The following ATL2 variants were observed in gnomAD, a reference collection of about 807,000 sequenced individuals.
ATL2 encodes the protein atlastin GTPase 2.
A neutral mutation model predicts 73.9 loss-of-function variants in ATL2; 31 were observed. That is an observed-to-expected ratio of 0.42 (90% CI 0.32 to 0.57). The LOEUF (loss-of-function observed/expected upper bound fraction) is 0.57. ATL2 is among the 20% of genes least tolerant of loss of function. The pLI is 0.14. For missense variants in ATL2, 738 were observed against 702.6 expected (o/e 1.05, Z -0.57); for synonymous variants, 291 against 237.5 (o/e 1.23, Z -2.07).
At chr2:38,305,786 T>G (rs570005451) in intron 9 of ATL2, among the ~76,000 whole-genome samples, 1 of 151,814 alleles carries the variant, frequency 6.6e-6, no homozygotes, top group Admixed American at 6.6e-5. Flanking sequence ...CGTTAAGCAG[T>G]ACTAAGAAAC....
intron 2 of ATL2, among the ~76,000 whole-genome samples, chr2:38,323,029 C>A (rs1159496829): frequency 6.6e-6 from 1 of 152,156 alleles, no homozygotes; most frequent in African/African-American, 2.4e-5. Context: ...ATTTGTGGAA[C>A]CTCTACCATG....
intron 10 of ATL2, among the ~76,000 whole-genome samples, 159 bp downstream of exon 10, chr2:38,300,113 A>G (rs1312107684): frequency 6.6e-6 from 1 of 152,184 alleles, no homozygotes; most frequent in Non-Finnish European, 1.5e-5. Context: ...AAAAAATTGT[A>G]TGAAACCTTA....
chr2:38,321,872 C>T (rs948807546), intron 2 of ATL2, among the ~76,000 whole-genome samples: 1 of 152,108 alleles, frequency 6.6e-6, no homozygotes, highest in African/African-American at 2.4e-5. Context: ...ACCACCACAC[C>T]TGGCTGATTT....
Position 38,298,269 on chromosome 2 carries a change from A to G in ATL2, c.1507T>C (p.Leu503=), listed in dbSNP as rs1432754877. 1.2e-6 allele frequency: 2 copies of G among 1,614,194 alleles called. No individual in the cohort carries two copies. Among genetic ancestry groups the G allele is most frequent in the Non-Finnish European group, 1.7e-6 (2 of 1,179,998 alleles). ...GFIGLNSIAV[L]CNLVMGLALI... The stretch of plus-strand genomic sequence containing the variant: ...GCTAACCCCATGACAAGGTTACACA[A>G]GACAGCTATAGAGTTTAGGCCAATG... The change falls in exon 12 of 13, where the codon TTG becomes CTG. Residue 503 remains leucine (L), a synonymous_variant. Transcript: ENST00000378954.
chr2:38,334,923 T>TAATATATAA (rs1491297199), intron 2 of ATL2, among the ~76,000 whole-genome samples: 1 of 137,280 alleles, frequency 7.3e-6, no homozygotes, highest in Non-Finnish European at 1.5e-5. Flanking sequence ...TAAATATATT[T>TAATATATAA]ATATATTATA....
intron 9 of ATL2, among the ~76,000 whole-genome samples, chr2:38,305,548 CA>C (rs57619212): frequency 5.4e-5 from 8 of 146,936 alleles, no homozygotes; most frequent in Admixed American, 2.0e-4. Flanking sequence ...CACTTGGTCT[CA>C]AAAAAAAAAT....
chr2:38,348,115 G>A (rs1245433491), intron 1 of ATL2, among the ~76,000 whole-genome samples: 1 of 152,024 alleles, frequency 6.6e-6, no homozygotes, highest in African/African-American at 2.4e-5. Context: ...ATAGCTTGGG[G>A]AAATACCTCC....
chr2:38,356,329 G>A (rs898782237), intron 1 of ATL2, among the ~76,000 whole-genome samples: 3 of 151,960 alleles, frequency 2.0e-5, no homozygotes, highest in Non-Finnish European at 4.4e-5. Flanking sequence ...AAGTAGTTGG[G>A]ACTACAAGCG....
chr2:38,294,131 T>C lies in ATL2; in HGVS notation c.*1863A>G, dbSNP rs1152. On this transcript the variant is annotated 3_prime_UTR_variant, in exon 13 of 13. Coordinates refer to ENST00000378954, the MANE Select transcript of ATL2 (RefSeq NM_001135673.4). Reference sequence around the variant, plus strand: ...AGATAAGTTAGCAATTTAATACAGATGAAAACAAATACAATCCATATAAAA... The same window carrying C: ...AGATAAGTTAGCAATTTAATACAGACGAAAACAAATACAATCCATATAAAA... 0.024 allele frequency among the ~76,000 whole-genome samples: 3,650 copies of C among 152,306 alleles called. 82 individuals are homozygous for C. The highest frequency in any genetic ancestry group is 0.036 in the Non-Finnish European group (2,468 of 68,022).
chr2:38,340,187 G>C (rs1278803967), intron 2 of ATL2, among the ~76,000 whole-genome samples: 2 of 42,950 alleles, frequency 4.7e-5, no homozygotes, highest in African/African-American at 1.1e-4. Flanking sequence ...GGGGGGGGGG[G>C]TAGACATTAA....
chr2:38,358,560 C>T, intron 1 of ATL2: 1 of 332,664 alleles, frequency 3.0e-6, no homozygotes, highest in Non-Finnish European at 6.3e-6. Flanking sequence ...GACACGGTGG[C>T]AGGCGCCTGT....
chr2:38,324,470 T>C (rs1045082385), intron 2 of ATL2, among the ~76,000 whole-genome samples: 1 of 152,230 alleles, frequency 6.6e-6, no homozygotes, highest in Admixed American at 6.5e-5. Flanking sequence ...CCACCAATTG[T>C]ATTTACTGTT....
At chr2:38,307,571 A>G (rs1201958266) in intron 9 of ATL2, among the ~76,000 whole-genome samples, 2 of 152,050 alleles carry the variant, frequency 1.3e-5, no homozygotes, top group African/African-American at 2.4e-5. Context: ...AGATTTCTTC[A>G]GTAATACCCT....
intron 1 of ATL2, chr2:38,376,064 C>T (rs956964680): frequency 2.9e-6 from 4 of 1,388,764 alleles, no homozygotes; most frequent in African/African-American, 2.9e-5. Flanking sequence ...AATCTTAAGA[C>T]ACGAGCTCGT....
At chr2:38,377,606 G>A (rs537194277), upstream of ATL2, among the ~76,000 whole-genome samples, 1 of 152,040 alleles carries the variant, frequency 6.6e-6, no homozygotes, top group Non-Finnish European at 1.5e-5. Context: ...GCTGGGCCAG[G>A]CTCTGCAAAC....
At chr2:38,347,201 C>T (rs979632399) in intron 1 of ATL2, among the ~76,000 whole-genome samples, 1 of 152,176 alleles carries the variant, frequency 6.6e-6, no homozygotes, top group Non-Finnish European at 1.5e-5. Context: ...CTTCTATAGT[C>T]GTATGCGATC....
intron 1 of ATL2, among the ~76,000 whole-genome samples, chr2:38,344,614 A>C (rs375140132): frequency 8.3e-4 from 126 of 152,294 alleles, no homozygotes; most frequent in African/African-American, 2.9e-3. Context: ...AGTCTCAAAA[A>C]ACAAACAAAA....
rs541685911 is a variant in ATL2 at position 38,371,764 on chromosome 2, G to A, written c.118+5379C>T. Among the ~76,000 whole-genome samples, 138 of 152,118 alleles carry A rather than the reference G, an allele frequency of 9.1e-4. 1 individual carries two copies. Among genetic ancestry groups the A allele is most frequent in the African/African-American group, 3.3e-3 (135 of 41,502 alleles). On this transcript the variant is annotated intron_variant, in intron 1 of 12. Transcript: ENST00000378954. Reference sequence around the variant, plus strand: ...AATACAAAAATTAGCTGGACGTGGTGGCACGCGTCTGTAGTCCCAGATACT... The same window carrying A: ...AATACAAAAATTAGCTGGACGTGGTAGCACGCGTCTGTAGTCCCAGATACT...
chr2:38,363,245 T>C (rs1316459013), intron 1 of ATL2, among the ~76,000 whole-genome samples: 2 of 152,142 alleles, frequency 1.3e-5, no homozygotes, highest in Non-Finnish European at 2.9e-5. Context: ...TAAGCCAAAC[T>C]GTTAGCATCT....
Sources: gnomAD v4.1 joint callset for allele counts (sites outside exome capture counted in the v4.1 genomes callset) on GRCh38, gnomAD v4.1.1 for gene constraint, MANE v1.5 for transcripts, NCBI Gene and HGNC (gene_info 2026-07-23, HGNC 2026-07-21) for gene names.